The following PPARGC1A variants were observed in gnomAD, a reference collection of about 807,000 sequenced individuals.
PPARGC1A encodes the protein peroxisome proliferator-activated receptor gamma coactivator 1-alpha.
A neutral mutation model predicts 88.7 loss-of-function variants in PPARGC1A; 25 were observed. The observed-to-expected ratio is 0.28, with a 90% CI of 0.21 to 0.39. The LOEUF (loss-of-function observed/expected upper bound fraction) is 0.39, where lower values mean the gene tolerates loss of function less well. Ranked by LOEUF, PPARGC1A falls within the 10% of genes least tolerant of loss-of-function variation. The pLI is 1.00. For synonymous variants in PPARGC1A, 363 were observed against 355.6 expected, an observed-to-expected ratio of 1.02 and a Z score of -0.24; for missense variants, 880 against 968.7, an observed-to-expected ratio of 0.91 and a Z score of 1.22.
chr4:23,818,335 C>G (rs1417873649), intron 7 of PPARGC1A, among the ~76,000 whole-genome samples: 1 of 152,154 alleles, frequency 6.6e-6, no homozygotes, highest in African/African-American at 2.4e-5. Flanking sequence ...TGCACAAACT[C>G]TCAGCAGTGC....
At chr4:24,419,057 G>GA in the PPARGC1A span, among the ~76,000 whole-genome samples, 18 of 151,584 alleles carry the variant, frequency 1.2e-4, no homozygotes, top group South Asian at 4.2e-4. Context: ...ATTCAAAAAG[G>GA]AAAAAAAATA....
the PPARGC1A span, among the ~76,000 whole-genome samples, chr4:24,183,030 G>T: frequency 6.6e-6 from 1 of 152,170 alleles, no homozygotes; most frequent in Non-Finnish European, 1.5e-5. Context: ...CTCGGGCTCG[G>T]AGAAGTGCTG....
At chr4:23,819,182 T>C (rs1722534337) in intron 7 of PPARGC1A, among the ~76,000 whole-genome samples, 1 of 152,042 alleles carries the variant, frequency 6.6e-6, no homozygotes, top group Non-Finnish European at 1.5e-5. Flanking sequence ...ATTCAGTAGA[T>C]AAAAGCTGCC....
the PPARGC1A span, among the ~76,000 whole-genome samples, chr4:23,982,841 G>A: frequency 1.5e-5 from 2 of 132,970 alleles, no homozygotes; most frequent in Admixed American, 8.2e-5. Context: ...CAGTTGATAT[G>A]TAACAGTACT....
the PPARGC1A span, among the ~76,000 whole-genome samples, chr4:24,097,965 C>T: frequency 2.0e-4 from 31 of 152,066 alleles, no homozygotes; most frequent in African/African-American, 6.8e-4. Flanking sequence ...GCATTTGTCC[C>T]GGTCCTGTTA....
the PPARGC1A span, among the ~76,000 whole-genome samples, chr4:24,083,915 T>A: frequency 6.6e-6 from 1 of 152,232 alleles, no homozygotes; most frequent in Non-Finnish European, 1.5e-5. Context: ...TAAGTGTCAA[T>A]CACTCGTCCA....
the PPARGC1A span, among the ~76,000 whole-genome samples, chr4:24,170,867 G>A: frequency 6.6e-6 from 1 of 152,108 alleles, no homozygotes; most frequent in African/African-American, 2.4e-5. Context: ...TATTCCAAAG[G>A]CGTCATTGCC....
At chr4:23,972,763 G>C in the PPARGC1A span, among the ~76,000 whole-genome samples, 1 of 152,160 alleles carries the variant, frequency 6.6e-6, no homozygotes, top group African/African-American at 2.4e-5. Flanking sequence ...TCTGAGCACA[G>C]AAAGCATTTT....
At chr4:23,990,737 G>A in the PPARGC1A span, among the ~76,000 whole-genome samples, 1 of 152,154 alleles carries the variant, frequency 6.6e-6, no homozygotes, top group Middle Eastern at 3.4e-3. Flanking sequence ...GAACAGAAAT[G>A]GAGGAGCATC....
the PPARGC1A span, among the ~76,000 whole-genome samples, chr4:24,352,561 C>G: frequency 6.6e-6 from 1 of 152,164 alleles, no homozygotes; most frequent in African/African-American, 2.4e-5. Context: ...AACAATGAGG[C>G]CCAGCAACAA....
At chr4:24,280,194 C>T in the PPARGC1A span, among the ~76,000 whole-genome samples, 8 of 152,312 alleles carry the variant, frequency 5.3e-5, no homozygotes, top group East Asian at 1.9e-4. Flanking sequence ...CCACATAATA[C>T]GGAGAACTCA....
chr4:24,427,677 G>C, the PPARGC1A span, among the ~76,000 whole-genome samples: 1 of 152,156 alleles, frequency 6.6e-6, no homozygotes, highest in Non-Finnish European at 1.5e-5. Flanking sequence ...TTCTCAAGGG[G>C]CTGTGATTTT....
chr4:24,059,146 C>T, the PPARGC1A span, among the ~76,000 whole-genome samples: 4 of 152,170 alleles, frequency 2.6e-5, no homozygotes, highest in African/African-American at 4.8e-5. Context: ...GATGCCAATA[C>T]TGTGGCTATC....
At chr4:23,839,098 CAT>C (rs1332928213) in intron 2 of PPARGC1A, among the ~76,000 whole-genome samples, 8 of 152,162 alleles carry the variant, frequency 5.3e-5, no homozygotes, top group Admixed American at 2.0e-4. Flanking sequence ...AATTAATACA[CAT>C]ATTCCTATTT....
chr4:24,165,143 A>C, the PPARGC1A span, among the ~76,000 whole-genome samples: 1 of 152,138 alleles, frequency 6.6e-6, no homozygotes, highest in Non-Finnish European at 1.5e-5. Flanking sequence ...TTTTTCCATA[A>C]TGGAAATTTC....
chr4:24,006,963 T>C, the PPARGC1A span, among the ~76,000 whole-genome samples: 1 of 152,212 alleles, frequency 6.6e-6, no homozygotes, highest in African/African-American at 2.4e-5. Flanking sequence ...CTAATGTGTA[T>C]CAATTGTAAA....
At chr4:24,142,174 C>T in the PPARGC1A span, among the ~76,000 whole-genome samples, 28 of 152,188 alleles carry the variant, frequency 1.8e-4, no homozygotes, top group African/African-American at 6.5e-4. Flanking sequence ...TGACACCAGC[C>T]TCCATAGAGT....
At chr4:24,013,820 C>T in the PPARGC1A span, among the ~76,000 whole-genome samples, 6 of 152,152 alleles carry the variant, frequency 3.9e-5, no homozygotes, top group South Asian at 1.2e-3. Flanking sequence ...TTGTGAAGCA[C>T]TGCTAGGGTG....
the PPARGC1A span, among the ~76,000 whole-genome samples, chr4:24,033,288 C>T: frequency 1.7e-4 from 26 of 152,038 alleles, no homozygotes; most frequent in Admixed American, 7.9e-4. Flanking sequence ...CTAAATGGGT[C>T]GATATATACA....
Sources: allele counts gnomAD v4.1 joint callset (sites outside exome capture counted in the v4.1 genomes callset), GRCh38; gene constraint gnomAD v4.1.1; transcripts MANE v1.5; gene names NCBI Gene and HGNC (gene_info 2026-07-23, HGNC 2026-07-21).